Variants in PLXNA2 observed in about 807,000 individuals in gnomAD.
The protein encoded by PLXNA2 is plexin A2, also known as plexin-A2.
Under a neutral mutation model 193.5 loss-of-function variants are expected in PLXNA2, and 91 were observed. The ratio of observed to expected loss-of-function variants is 0.47; its 90% CI spans 0.40 to 0.56. The LOEUF (loss-of-function observed/expected upper bound fraction) is 0.56. PLXNA2 is among the 20% of genes least tolerant of loss of function. The probability of loss-of-function intolerance (pLI) is 0.00; values close to 1 mark genes in which losing one functional copy is unlikely to be tolerated. For synonymous variants in PLXNA2, 997 were observed against 1,027.3 expected (o/e 0.97, Z 0.56); for missense variants, 1,995 against 2,503.2 (o/e 0.80, Z 4.33).
intron 3 of PLXNA2, among the ~76,000 whole-genome samples, chr1:208,145,372 C>T (rs1006503808): frequency 6.6e-6 from 1 of 152,240 alleles, no homozygotes; most frequent in Non-Finnish European, 1.5e-5. Context: ...GCTGCAGAGC[C>T]AGGCCCCTCC....
intron 21 of PLXNA2, 151 bp from the exon 22 acceptor site, chr1:208,042,517 C>G: frequency 1.3e-6 from 1 of 756,688 alleles, no homozygotes; most frequent in Non-Finnish European, 2.1e-6. Context: ...TCCACTCACC[C>G]GTGATGATGT....
chr1:208,098,009 G>A lies in PLXNA2; in HGVS notation c.1731+837C>T, dbSNP rs73084909. Among the ~76,000 whole-genome samples the A allele has an allele frequency of 7.0e-3, 1,062 of 152,224 alleles. 7 individuals carry two copies. The highest frequency in any genetic ancestry group is 0.025 in the African/African-American group (1,024 of 41,548). ...CGTGAGCCACCGCGCCCAGCCTGTAGGTTTCCCTCTATCTTCCTATCAATA... is the reference window on the plus strand; with the variant it reads ...CGTGAGCCACCGCGCCCAGCCTGTAAGTTTCCCTCTATCTTCCTATCAATA... On this transcript the variant is annotated intron_variant, in intron 6 of 31. Coordinates refer to ENST00000367033, the MANE Select transcript of PLXNA2 (RefSeq NM_025179.4).
chr1:208,037,698 C>T (rs1323561474), intron 26 of PLXNA2, among the ~76,000 whole-genome samples: 1 of 151,672 alleles, frequency 6.6e-6, no homozygotes, highest in Non-Finnish European at 1.5e-5. Flanking sequence ...GGAGTAGATA[C>T]CTCCTTGATC....
At chr1:208,034,420 G>C (rs1380317777) in intron 27 of PLXNA2, 73 bp downstream of exon 27, 115 of 923,182 alleles carry the variant, frequency 1.2e-4, no homozygotes, top group Middle Eastern at 8.0e-4. Flanking sequence ...TGTTAGAAGG[G>C]GTAGCGAGTG....
At chr1:208,203,558 G>C (rs1247564386) in intron 3 of PLXNA2, among the ~76,000 whole-genome samples, 2 of 152,236 alleles carry the variant, frequency 1.3e-5, no homozygotes, top group Admixed American at 6.5e-5. Flanking sequence ...CTGGCACAGA[G>C]AGAAAGGCAT....
At chr1:208,091,354 T>C (rs1666702344) in intron 9 of PLXNA2, among the ~76,000 whole-genome samples, 2 of 152,244 alleles carry the variant, frequency 1.3e-5, no homozygotes, top group Admixed American at 6.5e-5. Flanking sequence ...CAACCAGCAC[T>C]GCTATCAAGA....
intron 22 of PLXNA2, 84 bp downstream of exon 22, chr1:208,042,014 C>A (rs1286150688): frequency 2.8e-6 from 4 of 1,441,820 alleles, no homozygotes; most frequent in African/African-American, 1.4e-5. Context: ...CCTTCTCATG[C>A]TGCTTGTGGG....
chr1:208,189,512 A>G (rs985686154), intron 3 of PLXNA2, among the ~76,000 whole-genome samples: 7 of 150,318 alleles, frequency 4.7e-5, no homozygotes, highest in South Asian at 2.1e-4. Flanking sequence ...GATAAAGAGA[A>G]AAAAAAAAAA....
Position 208,029,032 on chromosome 1 carries a change from G to T in PLXNA2, c.5236C>A (p.Arg1746Ser). The change falls in exon 30 of 32, where the codon CGC becomes AGC. Residue 1746 changes from arginine (R) to serine (S), a missense_variant. By Grantham distance (110) the Arg-to-Ser change is moderately radical (BLOSUM62 -1). Around this residue, in one of 3 missense-constraint regions of PLXNA2, gnomAD observed 1,291 missense variants for 1,673.6 expected, o/e 0.77. Coordinates refer to ENST00000367033, the MANE Select transcript of PLXNA2 (RefSeq NM_025179.4). ...TTCTTAATCACGTTCACCCAGAAGCGCAGAGGGAGGCTGTGGGGAAAGGCA... is the reference window on the plus strand; with the variant it reads ...TTCTTAATCACGTTCACCCAGAAGCTCAGAGGGAGGCTGTGGGGAAAGGCA... ...HTWKSNCLPL[R>S]FWVNVIKNPQ... is the part of the protein sequence containing the mutation. 1 of 1,614,130 alleles carries T rather than the reference G, an allele frequency of 6.2e-7. No homozygotes were observed. Among genetic ancestry groups the T allele is most frequent in the Non-Finnish European group, 8.5e-7 (1 of 1,180,000 alleles).
At chr1:208,035,650 A>G (rs1409421646) in intron 26 of PLXNA2, among the ~76,000 whole-genome samples, 3 of 152,248 alleles carry the variant, frequency 2.0e-5, no homozygotes, top group African/African-American at 7.2e-5. Context: ...AGGGAATAAA[A>G]CAGCTATAAT....
At chr1:208,107,516 A>G (rs549393378) in intron 4 of PLXNA2, among the ~76,000 whole-genome samples, 1 of 152,264 alleles carries the variant, frequency 6.6e-6, no homozygotes, top group East Asian at 1.9e-4. Flanking sequence ...CTCCGCAGTC[A>G]GGAGCCACTT....
chr1:208,198,315 A>G (rs1276646660), intron 3 of PLXNA2, among the ~76,000 whole-genome samples: 1 of 152,166 alleles, frequency 6.6e-6, no homozygotes, highest in Admixed American at 6.5e-5. Context: ...CCAGCTCTGA[A>G]TGGGTATGAC....
chr1:208,096,748 C>A lies in PLXNA2; in HGVS notation c.1867G>T (p.Val623Phe). Residue 623 changes from valine to phenylalanine, a missense_variant, in exon 7 of 32, where the codon GTC becomes TTC. Physicochemically the swap from Val to Phe is conservative, Grantham distance 50 (BLOSUM62 -1). Transcript: ENST00000367033. Reference sequence around the variant, plus strand: ...TTCTTACCTTGATCCAGCGGGATGACAGGGACATCCTTGGGCCCAGGTGAG... The same window carrying A: ...TTCTTACCTTGATCCAGCGGGATGAAAGGGACATCCTTGGGCCCAGGTGAG... ...CISPGPKDVP[V>F]IPLDQDWFGL... is the part of the protein sequence containing the mutation. The A allele has an allele frequency of 1.9e-6, 3 of 1,614,154 alleles. No homozygotes were observed. Among genetic ancestry groups the A allele is most frequent in the South Asian group, 2.2e-5 (2 of 91,072 alleles).
In PLXNA2 at chr1:208,098,878, T is replaced by A; in HGVS notation, c.1699A>T (p.Ser567Cys). ...CTGTGCTCAGATACTGAGATGCTGC[T>A]GGGATGCACTGCAAGGCTCACACAC... ...SQCVSLAVHP[S>C]SISVSEHSRL... Residue 567 changes from serine to cysteine, a missense_variant, in exon 6 of 32, where the codon AGC (serine) becomes TGC (cysteine). Physicochemically the swap from Ser to Cys is moderately radical, Grantham distance 112. Coordinates refer to ENST00000367033, the MANE Select transcript of PLXNA2 (RefSeq NM_025179.4). 1.2e-6 allele frequency: 2 copies of A among 1,613,932 alleles called. No homozygotes were observed. Among genetic ancestry groups the A allele is most frequent in the Non-Finnish European group, 1.7e-6 (2 of 1,179,974 alleles).
intron 4 of PLXNA2, among the ~76,000 whole-genome samples, chr1:208,115,595 C>T (rs1667611028): frequency 6.6e-6 from 1 of 152,142 alleles, no homozygotes; most frequent in Non-Finnish European, 1.5e-5. Context: ...AAATGCTAAG[C>T]CCTGTACCTT....
At chr1:208,192,849 T>G (rs964089534) in intron 3 of PLXNA2, among the ~76,000 whole-genome samples, 1 of 149,300 alleles carries the variant, frequency 6.7e-6, no homozygotes, top group African/African-American at 2.5e-5. Flanking sequence ...ATTGCACCAT[T>G]GCATTCCAGC....
intron 3 of PLXNA2, chr1:208,210,050 A>T: frequency 4.9e-6 from 1 of 202,984 alleles, no homozygotes; most frequent in Admixed American, 7.9e-5. Flanking sequence ...AAAGTTTGGG[A>T]AATATTGAAA....
chr1:208,142,417 A>T lies in PLXNA2; in HGVS notation c.1418T>A (p.Val473Asp), dbSNP rs534545518. The change falls in exon 4 of 32, where the codon GTC becomes GAC. Residue 473 changes from valine (V) to aspartate (D), a missense_variant. Physicochemically the swap from Val to Asp is radical, Grantham distance 152. Around this residue, in one of 3 missense-constraint regions of PLXNA2, gnomAD observed 702 missense variants for 812.9 expected, o/e 0.86. Transcript: ENST00000367033. ...GGGGCTTCCGTCCTTGAGCACAGAG[A>T]CCATCTCGTACTGGACCCCACCATG... is the stretch of plus-strand genomic sequence containing the variant. ...PPHGGVQYEM[V>D]SVLKDGSPIL... The T allele has an allele frequency of 6.2e-7, 1 of 1,613,652 alleles. No individual in the cohort carries two copies. Among genetic ancestry groups the T allele is most frequent in the Admixed American group, 1.7e-5 (1 of 59,928 alleles).
chr1:208,056,766 C>G (rs570268266), intron 13 of PLXNA2, among the ~76,000 whole-genome samples: 16 of 152,300 alleles, frequency 1.1e-4, no homozygotes, highest in Admixed American at 2.6e-4. Flanking sequence ...GGCCATAGGT[C>G]TCTTTCCTCG....
Sources: gnomAD v4.1 joint callset for allele counts (sites outside exome capture counted in the v4.1 genomes callset) on GRCh38, gnomAD v4.1.1 for gene constraint, gnomAD v4.1.1 regional missense constraint, MANE v1.5 for transcripts, NCBI Gene and HGNC (gene_info 2026-07-23, HGNC 2026-07-21) for gene names.